The following RHOT1 variants were observed in gnomAD, a reference collection of about 807,000 sequenced individuals.
The protein encoded by RHOT1 is ras homolog family member T1, also known as mitochondrial Rho GTPase 1.
Under a neutral mutation model 95.3 loss-of-function variants are expected in RHOT1, and 27 were observed. That is an observed-to-expected ratio of 0.28 (90% confidence interval 0.21 to 0.39). The LOEUF (loss-of-function observed/expected upper bound fraction) is 0.39, where lower values mean the gene tolerates loss of function less well. Among genes scored for constraint, RHOT1 ranks in the 10% least tolerant of loss-of-function variants. RHOT1 has a pLI of 1.00. For synonymous variants in RHOT1, 227 were observed against 263.5 expected, an observed-to-expected ratio of 0.86 and a Z score of 1.34; for missense variants, 578 against 786.7, an observed-to-expected ratio of 0.73 and a Z score of 3.17.
At chr17:32,186,449 C>T (rs767585899) in intron 8 of RHOT1, among the ~76,000 whole-genome samples, 31 of 150,288 alleles carry the variant, frequency 2.1e-4, no homozygotes, top group Non-Finnish European at 3.2e-4. Context: ...CTGCAAACTT[C>T]ACCTCCTGGG....
intron 17 of RHOT1, among the ~76,000 whole-genome samples, chr17:32,207,823 ATG>A (rs1234770518): frequency 6.7e-6 from 1 of 149,680 alleles, no homozygotes; most frequent in Admixed American, 6.6e-5. Flanking sequence ...ATTTCAAAAT[ATG>A]TGTGTTTAAT....
chr17:32,193,941 CCTA>C (rs762373919), intron 10 of RHOT1, 43 bp from the exon 11 acceptor site: 3 of 1,594,222 alleles, frequency 1.9e-6, no homozygotes, highest in Non-Finnish European at 2.6e-6. Flanking sequence ...ATGCTTTTCT[CCTA>C]TGTGACTCTG....
chr17:32,183,777 G>A (rs755129804), intron 8 of RHOT1, among the ~76,000 whole-genome samples: 4 of 152,102 alleles, frequency 2.6e-5, no homozygotes, highest in African/African-American at 2.4e-5. Flanking sequence ...CTCCAGCTCC[G>A]GGGTTCAAGT....
At chr17:32,150,612 T>C (rs2032163732) in intron 1 of RHOT1, 1 of 1,585,584 alleles carries the variant, frequency 6.3e-7, no homozygotes. Flanking sequence ...ACTTTGTGAG[T>C]GAGAGATACT....
chr17:32,223,395 T>G (rs2038947993), intron 19 of RHOT1, among the ~76,000 whole-genome samples: 1 of 151,902 alleles, frequency 6.6e-6, no homozygotes, highest in South Asian at 2.1e-4. Flanking sequence ...AAGCTCTTAA[T>G]TTTGTAAGTT....
In RHOT1 at chr17:32,142,514, GC is replaced by G; in HGVS notation, c.-177del. 1 of 462,292 alleles carries G rather than the reference GC, an allele frequency of 2.2e-6. No individual in the cohort carries two copies. Among genetic ancestry groups the G allele is most frequent in the Non-Finnish European group, 3.6e-6 (1 of 280,908 alleles). 28.6% of individuals were successfully genotyped at this position (462,292 alleles called of 1,614,324 possible). A position where few individuals can be genotyped will look rare whatever the true frequency, so the allele number is the denominator to read the frequency against. On this transcript the variant is annotated 5_prime_UTR_variant, in exon 1 of 20. Transcript: ENST00000545287. The stretch of plus-strand genomic sequence containing the variant: ...CGCCGCCGCCGCCACAGCCCGCTGG[GC>G]CGGAGGAGGCGGAGCTGGCGCTGTC...
chr17:32,170,270 C>A (rs1277526636), intron 1 of RHOT1, among the ~76,000 whole-genome samples: 1 of 151,996 alleles, frequency 6.6e-6, no homozygotes, highest in Non-Finnish European at 1.5e-5. Context: ...CAAAAATTAG[C>A]TGGACGTGGT....
chr17:32,182,320 A>C (rs1410019065), intron 6 of RHOT1, among the ~76,000 whole-genome samples: 1 of 152,118 alleles, frequency 6.6e-6, no homozygotes, highest in East Asian at 1.9e-4. Flanking sequence ...CTACAAAAAA[A>C]AAAAATTTTT....
intron 19 of RHOT1, among the ~76,000 whole-genome samples, chr17:32,221,790 G>A (rs1029984396): frequency 6.6e-6 from 1 of 152,148 alleles, no homozygotes; most frequent in East Asian, 1.9e-4. Context: ...AAGCAATAAG[G>A]TCAGTCAGAA....
Position 32,185,254 on chromosome 17 carries a change from G to A in RHOT1, c.540+1982G>A, listed in dbSNP as rs116757179. ...GCCTTCCAAGTAGCTGGAATGATAG[G>A]CATGCGCCACTACACCCTACTAATT... is the stretch of plus-strand genomic sequence containing the variant. On this transcript the variant is annotated intron_variant, in intron 8 of 19. Coordinates refer to ENST00000545287, the MANE Select transcript of RHOT1 (RefSeq NM_001033566.3). Among the ~76,000 whole-genome samples the A allele has an allele frequency of 7.5e-3, 1,147 of 152,198 alleles. 11 individuals carry two copies. The highest frequency in any genetic ancestry group is 0.026 in the African/African-American group (1,076 of 41,516).
In RHOT1 at chr17:32,183,087, C is replaced by CT. The variant is rs372999741; in HGVS notation, c.439-76dup. On this transcript the variant is annotated intron_variant, in intron 7 of 19. Coordinates refer to ENST00000545287, the MANE Select transcript of RHOT1 (RefSeq NM_001033566.3). ...CATTTTTCGTTTTTTTTCAAGGAATCTTTTTTTTGCCTTATGTTGATAATT... is the reference window on the plus strand; with the variant it reads ...CATTTTTCGTTTTTTTTCAAGGAATCTTTTTTTTTGCCTTATGTTGATAATT... 770 of 1,173,838 alleles carry CT rather than the reference C, an allele frequency of 6.6e-4. 1 individual carries two copies. The highest frequency in any genetic ancestry group is 5.1e-3 in the African/African-American group (327 of 64,216). The allele number at this position is 1,173,838 out of a possible 1,614,324, so 72.7% of individuals were successfully genotyped here. A position where few individuals can be genotyped will look rare whatever the true frequency, so the allele number is the denominator to read the frequency against.
At chr17:32,195,314 A>G (rs757655216) in intron 11 of RHOT1, among the ~76,000 whole-genome samples, 5 of 151,724 alleles carry the variant, frequency 3.3e-5, no homozygotes, top group African/African-American at 7.3e-5. Context: ...CGGTCTCACT[A>G]TATTTCCTAG....
At chr17:32,192,412 G>T in intron 9 of RHOT1, 113 bp downstream of exon 9, 4 of 664,142 alleles carry the variant, frequency 6.0e-6, no homozygotes. Flanking sequence ...ATAAACATAA[G>T]TTTCTTTCTC....
At chr17:32,151,992 T>C (rs2032365935) in intron 1 of RHOT1, among the ~76,000 whole-genome samples, 1 of 152,134 alleles carries the variant, frequency 6.6e-6, no homozygotes, top group South Asian at 2.1e-4. Context: ...ACAAACTAGA[T>C]GGTATTTTTT....
At chr17:32,143,993 C>T (rs1300695742) in intron 1 of RHOT1, among the ~76,000 whole-genome samples, 1 of 152,238 alleles carries the variant, frequency 6.6e-6, no homozygotes, top group Non-Finnish European at 1.5e-5. Flanking sequence ...CTTAGCCAGC[C>T]ATAGTTTACT....
chr17:32,175,452 G>C (rs2034918390), intron 4 of RHOT1, 90 bp downstream of exon 4: 1 of 1,296,758 alleles, frequency 7.7e-7, no homozygotes, highest in Admixed American at 1.7e-5. Flanking sequence ...TTTGTTTGTT[G>C]GTTTTTGTGT....
chr17:32,163,921 C>G (rs2033804128), intron 1 of RHOT1, among the ~76,000 whole-genome samples: 1 of 151,984 alleles, frequency 6.6e-6, no homozygotes, highest in Non-Finnish European at 1.5e-5. Context: ...CTTTGGGAGG[C>G]CGAGGCAGGT....
At chr17:32,178,791 C>T (rs1024147303) in intron 6 of RHOT1, among the ~76,000 whole-genome samples, 2 of 146,128 alleles carry the variant, frequency 1.4e-5, no homozygotes, top group African/African-American at 2.6e-5. Context: ...GAGCCTCTGC[C>T]CGGCTGCCAC....
chr17:32,180,791 T>C (rs963849257), intron 6 of RHOT1, among the ~76,000 whole-genome samples: 1 of 152,098 alleles, frequency 6.6e-6, no homozygotes, highest in South Asian at 2.1e-4. Context: ...ATTTTGGCTT[T>C]ACCATGACAG....
Sources: gnomAD v4.1 joint callset for allele counts (sites outside exome capture counted in the v4.1 genomes callset) on GRCh38, gnomAD v4.1.1 for gene constraint, MANE v1.5 for transcripts, NCBI Gene and HGNC (gene_info 2026-07-23, HGNC 2026-07-21) for gene names.